Variants in DPP10 observed in about 807,000 individuals in gnomAD.
The protein encoded by DPP10 is inactive dipeptidyl peptidase 10.
Under a neutral mutation model 120.9 loss-of-function variants are expected in DPP10, and 33 were observed. That is an observed-to-expected ratio of 0.27 (90% CI 0.21 to 0.37). DPP10 has a LOEUF of 0.37. Among genes scored for constraint, DPP10 ranks in the 10% least tolerant of loss-of-function variants. The probability of loss-of-function intolerance (pLI) is 1.00; values close to 1 mark genes in which losing one functional copy is unlikely to be tolerated. For synonymous variants in DPP10, 337 were observed against 326.1 expected, an observed-to-expected ratio of 1.03 and a Z score of -0.36; for missense variants, 816 against 942.8, an observed-to-expected ratio of 0.87 and a Z score of 1.76.
At chr2:114,647,412 C>G (rs967625771) in intron 1 of DPP10, among the ~76,000 whole-genome samples, 7 of 152,136 alleles carry the variant, frequency 4.6e-5, no homozygotes, top group Admixed American at 1.3e-4. Context: ...CTAACTAAAA[C>G]TGCTGAAAAT....
At chr2:115,444,722 A>G (rs2072407286) in intron 3 of DPP10, among the ~76,000 whole-genome samples, 1 of 152,202 alleles carries the variant, frequency 6.6e-6, no homozygotes, top group Non-Finnish European at 1.5e-5. Context: ...TAAAAAGCAG[A>G]GATTACTGCA....
chr2:115,673,898 C>T (rs1055654086), intron 5 of DPP10, among the ~76,000 whole-genome samples: 6 of 152,038 alleles, frequency 3.9e-5, no homozygotes, highest in African/African-American at 7.2e-5. Flanking sequence ...ATTTGAAGAA[C>T]GTCAGAGTAC....
chr2:115,493,812 A>G (rs529337244), intron 3 of DPP10, among the ~76,000 whole-genome samples: 1 of 152,188 alleles, frequency 6.6e-6, no homozygotes, highest in Non-Finnish European at 1.5e-5. Flanking sequence ...GCTGTACTGC[A>G]GAAGATACAG....
At chr2:114,719,867 A>G (rs1334222445) in intron 1 of DPP10, among the ~76,000 whole-genome samples, 1 of 152,222 alleles carries the variant, frequency 6.6e-6, no homozygotes, top group Admixed American at 6.5e-5. Flanking sequence ...AGGAGCATTC[A>G]ATAGCAATGG....
chr2:115,122,410 T>C (rs2049871398), intron 1 of DPP10, among the ~76,000 whole-genome samples: 1 of 152,214 alleles, frequency 6.6e-6, no homozygotes, highest in Admixed American at 6.5e-5. Context: ...GGGACCAGCC[T>C]TCATCTCTGT....
At chr2:115,233,038 C>T (rs1559284856) in intron 1 of DPP10, among the ~76,000 whole-genome samples, 2 of 103,154 alleles carry the variant, frequency 1.9e-5, no homozygotes. Context: ...TGTCTATCGT[C>T]ATCTTAATCT....
intron 1 of DPP10, among the ~76,000 whole-genome samples, chr2:114,698,259 A>G (rs927791724): frequency 7.9e-5 from 12 of 152,066 alleles, no homozygotes; most frequent in Non-Finnish European, 1.8e-4. Context: ...TCCATATCAT[A>G]AAAAGAGGCC....
chr2:114,450,271 A>G (rs1395966272), intron 1 of DPP10, among the ~76,000 whole-genome samples: 1 of 152,040 alleles, frequency 6.6e-6, no homozygotes, highest in Admixed American at 6.6e-5. Context: ...CTCAGTGAGA[A>G]TTTTCTCACA....
intron 1 of DPP10, among the ~76,000 whole-genome samples, chr2:114,525,131 T>G (rs1359354571): frequency 6.6e-6 from 1 of 152,188 alleles, no homozygotes; most frequent in African/African-American, 2.4e-5. Context: ...CTCCAGAAAC[T>G]GTATCCTATG....
chr2:115,528,673 A>G (rs748246437), intron 5 of DPP10, among the ~76,000 whole-genome samples: 4 of 152,148 alleles, frequency 2.6e-5, no homozygotes, highest in Admixed American at 6.6e-5. Context: ...TGTAATAAAT[A>G]TTCAGCAATA....
At position 114,451,954 on chromosome 2, in the gene DPP10, A is replaced by G. The variant is rs180733085; in HGVS notation, c.60+9116A>G. Among the ~76,000 whole-genome samples, 30 of 152,320 alleles carry G rather than the reference A, an allele frequency of 2.0e-4. No homozygotes were observed. In the East Asian group the frequency reaches 4.6e-3, roughly 23 times the overall value. ...CTTAACAAGAACAAAAGGTTTGTTC[A>G]TTAGCTTCATTTAGAAAGGTACCAG... On this transcript the variant is annotated intron_variant, in intron 1 of 25. Transcript: ENST00000410059.
At chr2:114,717,635 G>A (rs895087203) in intron 1 of DPP10, among the ~76,000 whole-genome samples, 3 of 152,114 alleles carry the variant, frequency 2.0e-5, no homozygotes, top group African/African-American at 4.8e-5. Flanking sequence ...ACTTGATGTT[G>A]CTACAGAAAA....
intron 1 of DPP10, among the ~76,000 whole-genome samples, chr2:114,550,483 C>T (rs2104867118): frequency 6.6e-6 from 1 of 152,346 alleles, no homozygotes; most frequent in East Asian, 1.9e-4. Context: ...AGGGCTGGGA[C>T]TTCGACCAGA....
intron 3 of DPP10, among the ~76,000 whole-genome samples, chr2:115,434,933 T>C (rs2071348925): frequency 6.6e-6 from 1 of 151,800 alleles, no homozygotes; most frequent in Non-Finnish European, 1.5e-5. Context: ...GCAATATTTG[T>C]CCTTATGAGA....
chr2:115,648,495 C>A (rs1052916400), intron 5 of DPP10, among the ~76,000 whole-genome samples: 1 of 151,450 alleles, frequency 6.6e-6, no homozygotes, highest in South Asian at 2.1e-4. Context: ...AAAATGAATA[C>A]GTATTTCAAA....
At chr2:115,277,436 C>T (rs2059964180) in intron 1 of DPP10, among the ~76,000 whole-genome samples, 2 of 134,888 alleles carry the variant, frequency 1.5e-5, no homozygotes, top group South Asian at 2.4e-4. Flanking sequence ...ATACTTAAGT[C>T]CTGCCAGGGC....
At chr2:114,751,381 C>T (rs895868262) in intron 1 of DPP10, among the ~76,000 whole-genome samples, 13 of 152,210 alleles carry the variant, frequency 8.5e-5, no homozygotes, top group Admixed American at 4.6e-4. Flanking sequence ...ACCCCAGCCA[C>T]AGGTTTAAAT....
chr2:115,089,785 A>G (rs1324289912), intron 1 of DPP10, among the ~76,000 whole-genome samples: 1 of 152,246 alleles, frequency 6.6e-6, no homozygotes, highest in African/African-American at 2.4e-5. Context: ...AAGTTCAGAA[A>G]CAAGGGCTGA....
intron 1 of DPP10, among the ~76,000 whole-genome samples, chr2:114,468,387 G>A (rs1679594235): frequency 9.9e-6 from 1 of 101,150 alleles, no homozygotes; most frequent in South Asian, 3.0e-4. Flanking sequence ...ACCTTGTCAG[G>A]CTTACAATGC....
Sources: gnomAD v4.1 joint callset for allele counts (sites outside exome capture counted in the v4.1 genomes callset) on GRCh38, gnomAD v4.1.1 for gene constraint, MANE v1.5 for transcripts, NCBI Gene and HGNC (gene_info 2026-07-23, HGNC 2026-07-21) for gene names.